The following SLC25A35 variants were observed in gnomAD, a reference collection of about 807,000 sequenced individuals.
SLC25A35 encodes the protein solute carrier family 25 member 35, also known as solute carrier family 25, member 35.
In SLC25A35, 32 loss-of-function variants were observed where a neutral mutation model predicts 30.5. The observed-to-expected ratio is 1.05, with a 90% CI of 0.79 to 1.41. SLC25A35 has a LOEUF of 1.41. Among genes scored for constraint, SLC25A35 ranks in the 40% most tolerant of loss-of-function variants. The pLI is 0.00. For synonymous variants in SLC25A35, 142 were observed against 158.1 expected (o/e 0.90, Z 0.77); for missense variants, 369 against 388.0 (o/e 0.95, Z 0.41).
rs538070335 is a variant in SLC25A35, at chr17:8,291,121, G to T, written c.595-145C>A. 14 of 1,324,578 alleles carry T rather than the reference G, an allele frequency of 1.1e-5. 1 individual carries two copies. In the South Asian group the frequency reaches 1.7e-4, roughly 16 times the overall value. 82.1% of individuals were successfully genotyped at this position (1,324,578 alleles called of 1,614,324 possible). A position where few individuals can be genotyped will look rare whatever the true frequency, so the allele number is the denominator to read the frequency against. ...TATAACAGTGCAAAAACAGTGAGAAGGAGGAAGGCCAGGGTACCCTGAAGG... is the reference window on the plus strand; with the variant it reads ...TATAACAGTGCAAAAACAGTGAGAATGAGGAAGGCCAGGGTACCCTGAAGG... On this transcript the variant is annotated intron_variant, in intron 3 of 4. Coordinates refer to ENST00000577745, the MANE Select transcript of SLC25A35 (RefSeq NM_001320870.2).
At chr17:8,289,050 G>A (rs147679793), downstream of SLC25A35, 135 of 1,613,718 alleles carry the variant, frequency 8.4e-5, no homozygotes, top group African/African-American at 1.6e-3. Context: ...GCAGGCCCAC[G>A]TACGGGGCGA....
chr17:8,291,496 GA>G lies in SLC25A35; in HGVS notation c.442-12del, dbSNP rs745801454. The G allele has an allele frequency of 1.2e-6, 2 of 1,604,694 alleles. No homozygotes were observed. Among genetic ancestry groups the G allele is most frequent in the East Asian group, 2.3e-5 (1 of 44,416 alleles). ...CGCCTGAAACATGCCCTAGTGTGGGGAAGACCGGGGGTGGGGTTCAGACAGC... is the reference window on the plus strand; with the variant it reads ...CGCCTGAAACATGCCCTAGTGTGGGGAGACCGGGGGTGGGGTTCAGACAGC... On this transcript the variant is annotated splice_polypyrimidine_tract_variant and intron_variant, in intron 2 of 4. Coordinates refer to ENST00000577745, the MANE Select transcript of SLC25A35 (RefSeq NM_001320870.2).
chr17:8,289,801 C>T (rs369281314), downstream of SLC25A35: 36 of 1,613,686 alleles, frequency 2.2e-5, no homozygotes, highest in African/African-American at 4.4e-4. Flanking sequence ...CCATCTGTTC[C>T]CCCACCCCAA....
downstream of SLC25A35, chr17:8,288,848 G>A (rs1990242148): frequency 6.2e-7 from 1 of 1,614,118 alleles, no homozygotes; most frequent in Non-Finnish European, 8.5e-7. Context: ...TCCTCCCCAT[G>A]GGGGCCATTG....
Position 8,295,024 on chromosome 17 carries a change from A to G in SLC25A35, c.-217T>C. The G allele has an allele frequency of 4.4e-6, 6 of 1,378,148 alleles. No homozygotes were observed. Among genetic ancestry groups the G allele is most frequent in the Non-Finnish European group, 5.6e-6 (6 of 1,068,972 alleles). The allele number at this position is 1,378,148 out of a possible 1,614,324, so 85.4% of individuals were successfully genotyped here. A position where few individuals can be genotyped will look rare whatever the true frequency, so the allele number is the denominator to read the frequency against. On this transcript the variant is annotated 5_prime_UTR_variant, in exon 1 of 5. Coordinates refer to ENST00000577745, the MANE Select transcript of SLC25A35 (RefSeq NM_001320870.2). ...AAGAGCTGGCAAGCAGGGAAGAGAT[A>G]GAAATCTAGGAGATTCTGGTGAGAA...
At chr17:8,288,463 A>G (rs565583389), downstream of SLC25A35, 9 of 440,216 alleles carry the variant, frequency 2.0e-5, no homozygotes, top group South Asian at 2.0e-4. Context: ...CAATCAATCA[A>G]GAGGAGGCTG....
chr17:8,294,873 G>C lies in SLC25A35; in HGVS notation c.-66C>G, dbSNP rs1301820068. 4 of 1,514,130 alleles carry C rather than the reference G, an allele frequency of 2.6e-6. No homozygotes were observed. Among genetic ancestry groups the C allele is most frequent in the Non-Finnish European group, 3.5e-6 (4 of 1,133,954 alleles). The allele number at this position is 1,514,130 out of a possible 1,614,324, so 93.8% of individuals were successfully genotyped here. A position where few individuals can be genotyped will look rare whatever the true frequency, so the allele number is the denominator to read the frequency against. ...AGTAAAAATGGGTGTCAGAAAGCGG[G>C]GTTGGAAGACAGGGGGAAGGCCTGT... On this transcript the variant is annotated 5_prime_UTR_variant, in exon 1 of 5. Transcript: ENST00000577745.
At chr17:8,289,941 G>A (rs763670881), downstream of SLC25A35, 10 of 1,614,156 alleles carry the variant, frequency 6.2e-6, no homozygotes, top group East Asian at 2.2e-5. Flanking sequence ...CAGTAAAGGC[G>A]CTGAAGCACT....
rs1990763856 is a variant in SLC25A35, at chr17:8,294,912, G to T, written c.-105C>A. The T allele has an allele frequency of 1.3e-5, 20 of 1,488,600 alleles. No homozygotes were observed. The South Asian group carries it at 2.8e-4, about 21-fold the overall frequency. 92.2% of individuals were successfully genotyped at this position (1,488,600 alleles called of 1,614,324 possible). A position where few individuals can be genotyped will look rare whatever the true frequency, so the allele number is the denominator to read the frequency against. ...GGGAAGGCCTGTTTCAGCAGTACAG[G>T]TTGCAGAAGATAAGAATTTAGATTT... On this transcript the variant is annotated 5_prime_UTR_variant, in exon 1 of 5. Coordinates refer to ENST00000577745, the MANE Select transcript of SLC25A35 (RefSeq NM_001320870.2).
chr17:8,289,914 C>T (rs1990349262), downstream of SLC25A35: 1 of 1,614,174 alleles, frequency 6.2e-7, no homozygotes, highest in Non-Finnish European at 8.5e-7. Flanking sequence ...CTTCACGATC[C>T]TAACATCTTT....
chr17:8,294,962 T>C lies in SLC25A35; in HGVS notation c.-155A>G, dbSNP rs1016233669. ...TGCAGTCAAGGGTGTCAGGGTCAAA[T>C]GTCAAGTGGTCAAACGTCAGCTGGA... On this transcript the variant is annotated 5_prime_UTR_variant, in exon 1 of 5. Coordinates refer to ENST00000577745, the MANE Select transcript of SLC25A35 (RefSeq NM_001320870.2). 8 of 1,421,034 alleles carry C rather than the reference T, an allele frequency of 5.6e-6. No individual in the cohort carries two copies. Among genetic ancestry groups the C allele is most frequent in the Admixed American group, 3.0e-5 (1 of 32,910 alleles). The allele number at this position is 1,421,034 out of a possible 1,614,324, so 88.0% of individuals were successfully genotyped here. A position where few individuals can be genotyped will look rare whatever the true frequency, so the allele number is the denominator to read the frequency against.
intron 2 of SLC25A35, 132 bp downstream of exon 2, chr17:8,292,390 CA>C (rs1990574089): frequency 3.4e-6 from 3 of 874,424 alleles, no homozygotes; most frequent in African/African-American, 3.3e-5. Flanking sequence ...GGGTAGACTC[CA>C]GGGGCAAAAT....
intron 3 of SLC25A35, 21 bp from the exon 4 acceptor site, chr17:8,290,997 A>G: frequency 6.2e-7 from 1 of 1,613,638 alleles, no homozygotes; most frequent in Non-Finnish European, 8.5e-7. Flanking sequence ...AGAGAGGAAG[A>G]GCGTTGTCAA....
chr17:8,292,200 A>C (rs910024629), intron 2 of SLC25A35, among the ~76,000 whole-genome samples: 11 of 151,804 alleles, frequency 7.2e-5, no homozygotes, highest in African/African-American at 2.4e-4. Flanking sequence ...AAAACAAAAC[A>C]AAAAAAATTT....
chr17:8,294,761 AAT>A lies in SLC25A35; in HGVS notation c.45_46del (p.Phe16HisfsTer72), dbSNP rs1990752630. 1.9e-6 allele frequency: 3 copies of A among 1,611,044 alleles called. No individual in the cohort carries two copies. The African/African-American group carries it at 4.0e-5, about 22-fold the overall frequency. ...CTTCACCACCTCCAGGGGATTGGTG[AAT>A]ACACAGGCCCCGCAGGCTGCCAGGC... On this transcript the variant is annotated frameshift_variant, in exon 1 of 5. Transcript: ENST00000577745. LOFTEE classifies it high-confidence loss of function.
downstream of SLC25A35, chr17:8,288,745 C>T (rs369933511): frequency 1.1e-5 from 17 of 1,607,066 alleles, no homozygotes; most frequent in Non-Finnish European, 1.4e-5. Context: ...CCAATGTGGA[C>T]TTCTTTTAAA....
chr17:8,291,810 G>A (rs1195514145), intron 2 of SLC25A35, among the ~76,000 whole-genome samples: 1 of 152,226 alleles, frequency 6.6e-6, no homozygotes, highest in Non-Finnish European at 1.5e-5. Context: ...AGCACTTTGG[G>A]AGGCCCAGGC....
chr17:8,293,965 G>A (rs1990686295), intron 1 of SLC25A35, among the ~76,000 whole-genome samples: 1 of 147,090 alleles, frequency 6.8e-6, no homozygotes, highest in Non-Finnish European at 1.5e-5. Context: ...GCCCAGGCTG[G>A]AGTGCAGTGA....
chr17:8,295,157 C>G lies in SLC25A35; in HGVS notation c.-350G>C. 4 of 1,037,980 alleles carry G rather than the reference C, an allele frequency of 3.9e-6. No individual in the cohort carries two copies. Among genetic ancestry groups the G allele is most frequent in the Non-Finnish European group, 4.6e-6 (4 of 864,644 alleles). 64.3% of individuals were successfully genotyped at this position (1,037,980 alleles called of 1,614,324 possible). A position where few individuals can be genotyped will look rare whatever the true frequency, so the allele number is the denominator to read the frequency against. ...GGAGCACGGGAGTAGAGGAGGGAAT[C>G]GCGGGGTTGGGAGATGGAAGCCAGG... On this transcript the variant is annotated 5_prime_UTR_variant, in exon 1 of 5. Transcript: ENST00000577745.
Sources: gnomAD v4.1 joint callset for allele counts (sites outside exome capture counted in the v4.1 genomes callset) on GRCh38, gnomAD v4.1.1 for gene constraint, MANE v1.5 for transcripts, NCBI Gene and HGNC (gene_info 2026-07-23, HGNC 2026-07-21) for gene names.